Variants in CHST7 observed in about 807,000 individuals in gnomAD.
The protein encoded by CHST7 is carbohydrate sulfotransferase 7, also known as N-acetylglucosamine 6-O-sulfotransferase 4.
CHST7 carries 5 observed loss-of-function variants against 9.0 expected under a neutral mutation model. That is an observed-to-expected ratio of 0.56 (90% CI 0.29 to 1.17). The LOEUF is 1.17. Ranked by LOEUF, CHST7 falls within the 50% of genes most tolerant of loss-of-function variation. CHST7 has a pLI of 0.08. For synonymous variants in CHST7, 244 were observed against 237.1 expected, an observed-to-expected ratio of 1.03 and a Z score of -0.27; for missense variants, 377 against 485.1, an observed-to-expected ratio of 0.78 and a Z score of 2.09.
intron 1 of CHST7, among the ~76,000 whole-genome samples, chrX:46,591,322 CAA>C (rs1457741356): frequency 8.9e-6 from 1 of 112,316 alleles, no homozygotes; most frequent in Admixed American, 9.5e-5. Flanking sequence ...TCTGAAAGAT[CAA>C]ATTTTTCTAC....
rs767611222 is a variant in CHST7 at position 46,597,827 on chromosome X, A to AAT, written c.*100_*101dup. On this transcript the variant is annotated 3_prime_UTR_variant, in exon 2 of 2. Coordinates refer to ENST00000276055, the MANE Select transcript of CHST7 (RefSeq NM_019886.4). ...ACTGGAGAAGCAGCGCTGTGGGGGC[A>AAT]ATCTGTCACACTCTCAGAGTCTGGG... is the stretch of plus-strand genomic sequence containing the variant. The AAT allele has an allele frequency of 2.9e-4, 33 of 113,037 alleles. No homozygotes were observed. Among genetic ancestry groups the AAT allele is most frequent in the African/African-American group, 1.1e-3 (33 of 31,160 alleles). The allele number at this position is 113,037 out of a possible 1,213,427, so 9.3% of individuals were successfully genotyped here.
chrX:46,577,465 G>A (rs746329413), intron 1 of CHST7, among the ~76,000 whole-genome samples: 4 of 111,377 alleles, frequency 3.6e-5, no homozygotes, highest in Non-Finnish European at 7.5e-5. Flanking sequence ...CGTTACTGCC[G>A]ACTCACTGAT....
chrX:46,581,350 G>A (rs1365510468), intron 1 of CHST7, among the ~76,000 whole-genome samples: 3 of 107,473 alleles, frequency 2.8e-5, no homozygotes, highest in African/African-American at 6.8e-5. Flanking sequence ...AAGGTCAGGA[G>A]TTCGAGACCA....
At chrX:46,582,552 A>G (rs1187613046) in intron 1 of CHST7, among the ~76,000 whole-genome samples, 1 of 112,244 alleles carries the variant, frequency 8.9e-6, no homozygotes, top group African/African-American at 3.2e-5. Context: ...GGTTGTAGTC[A>G]CTGGAATGCC....
chrX:46,596,672 A>G (rs2006250), intron 1 of CHST7, among the ~76,000 whole-genome samples: 25,339 of 110,390 alleles, frequency 0.23, 2,618 homozygotes, highest in Middle Eastern at 0.38. Context: ...GGGGTTGGGC[A>G]CAGTGGCTCA....
chrX:46,594,921 C>G (rs1942587147), intron 1 of CHST7, among the ~76,000 whole-genome samples: 1 of 111,401 alleles, frequency 9.0e-6, no homozygotes, highest in African/African-American at 3.3e-5. Flanking sequence ...GCCCCTGAGG[C>G]TCTGTTTATC....
rs1402927484 is a variant in CHST7 at position 46,574,942 on chromosome X, C to G, written c.1011C>G (p.Ala337=). The G allele has an allele frequency of 8.7e-7, 1 of 1,153,616 alleles. No homozygotes were observed. Among genetic ancestry groups the G allele is most frequent in the Non-Finnish European group, 1.1e-6 (1 of 875,820 alleles). The stretch of plus-strand genomic sequence containing the variant: ...GCGCGCTGCCCGCCGCGCCGCGCGC[C>G]GATTTCTTCCTGACCGGTGCGCTCG... ...QSRALPAAPR[A]DFFLTGALEV... The change falls in exon 1 of 2, where the codon GCC becomes GCG. Residue 337 remains alanine (A), a synonymous_variant. Transcript: ENST00000276055.
intron 1 of CHST7, among the ~76,000 whole-genome samples, chrX:46,590,337 G>C (rs771826523): frequency 9.1e-6 from 1 of 110,449 alleles, no homozygotes; most frequent in African/African-American, 3.3e-5. Flanking sequence ...AGCACTTAGG[G>C]AAGTCAAGGC....
chrX:46,582,020 T>C (rs1230405936), intron 1 of CHST7, among the ~76,000 whole-genome samples: 1 of 112,425 alleles, frequency 8.9e-6, no homozygotes, highest in East Asian at 2.8e-4. Context: ...CAGAAAAATA[T>C]AGCCTTTTTA....
At chrX:46,595,545 C>A (rs1942589807) in intron 1 of CHST7, among the ~76,000 whole-genome samples, 1 of 110,192 alleles carries the variant, frequency 9.1e-6, no homozygotes, top group Admixed American at 9.7e-5. Context: ...TTAGAGTGAA[C>A]CTTTCCTGTC....
intron 1 of CHST7, among the ~76,000 whole-genome samples, chrX:46,589,442 C>T (rs1042041154): frequency 2.7e-5 from 3 of 109,157 alleles, no homozygotes; most frequent in Admixed American, 9.8e-5. Context: ...CCCAACTACT[C>T]GGGAGGCTGA....
chrX:46,582,596 C>T (rs184466163), intron 1 of CHST7, among the ~76,000 whole-genome samples: 50 of 111,981 alleles, frequency 4.5e-4, no homozygotes, highest in Non-Finnish European at 7.3e-4. Context: ...CTTCTACAGT[C>T]CACATGTATT....
At chrX:46,592,956 A>G (rs1942579549) in intron 1 of CHST7, among the ~76,000 whole-genome samples, 1 of 108,937 alleles carries the variant, frequency 9.2e-6, no homozygotes, top group Admixed American at 1.0e-4. Flanking sequence ...ATATTTAAGT[A>G]TGTTCTTTAA....
chrX:46,592,757 CTTAA>C (rs1942578634), intron 1 of CHST7, among the ~76,000 whole-genome samples: 1 of 107,729 alleles, frequency 9.3e-6, no homozygotes, highest in African/African-American at 3.4e-5. Context: ...CTCCTTTTAT[CTTAA>C]TTATTTCCTT....
intron 1 of CHST7, among the ~76,000 whole-genome samples, chrX:46,575,686 T>C (rs1003507): frequency 0.31 from 34,542 of 111,207 alleles, 3,998 homozygotes; most frequent in Middle Eastern, 0.38. Context: ...GGTCTCTGCA[T>C]TCCCATTCCC....
intron 1 of CHST7, among the ~76,000 whole-genome samples, chrX:46,595,311 A>G (rs959597756): frequency 2.7e-5 from 3 of 111,937 alleles, no homozygotes; most frequent in African/African-American, 9.8e-5. Context: ...TGCTCTTTTT[A>G]TTGTCCTGGA....
chrX:46,582,602 G>A (rs780861789), intron 1 of CHST7, among the ~76,000 whole-genome samples: 22 of 112,003 alleles, frequency 2.0e-4, no homozygotes, highest in African/African-American at 6.2e-4. Flanking sequence ...CAGTCCACAT[G>A]TATTTAGAGA....
intron 1 of CHST7, among the ~76,000 whole-genome samples, chrX:46,595,322 C>G (rs1602112556): frequency 8.9e-6 from 1 of 112,173 alleles, no homozygotes; most frequent in East Asian, 2.8e-4. Context: ...TTGTCCTGGA[C>G]ACTGGAAGAA....
intron 1 of CHST7, among the ~76,000 whole-genome samples, chrX:46,589,471 AC>A (rs1184333082): frequency 2.8e-5 from 3 of 108,114 alleles, no homozygotes; most frequent in South Asian, 8.3e-4. Flanking sequence ...AATTGCTTGA[AC>A]CCAGGAGGTA....
Sources: allele counts gnomAD v4.1 joint callset (sites outside exome capture counted in the v4.1 genomes callset), GRCh38; gene constraint gnomAD v4.1.1; transcripts MANE v1.5; gene names NCBI Gene and HGNC (gene_info 2026-07-23, HGNC 2026-07-21).